The following ZNF69 variants were observed in gnomAD, a reference collection of about 807,000 sequenced individuals.
The protein encoded by ZNF69 is zinc finger protein 69, also known as ZNF3.
In ZNF69, 47 loss-of-function variants were observed where a neutral mutation model predicts 50.9. That is an observed-to-expected ratio of 0.92 (90% CI 0.73 to 1.18). The LOEUF (loss-of-function observed/expected upper bound fraction) is 1.18, where lower values mean the gene tolerates loss of function less well. Ranked by LOEUF, ZNF69 falls within the 50% of genes most tolerant of loss-of-function variation. The pLI is 0.00. For synonymous variants in ZNF69, 216 were observed against 223.1 expected (o/e 0.97, Z 0.29); for missense variants, 717 against 675.1 (o/e 1.06, Z -0.69).
the ZNF69 span, among the ~76,000 whole-genome samples, chr19:11,963,088 A>AGAGAGAGAGAGAGAGAGAGAGT: frequency 1.6e-4 from 22 of 138,314 alleles, no homozygotes; most frequent in African/African-American, 6.6e-4. Context: ...AGAGAGAGAG[A>AGAGAGAGAGAGAGAGAGAGAGT]GTGTGTGTGT....
At chr19:11,979,610 A>G in the ZNF69 span, 3 of 1,605,554 alleles carry the variant, frequency 1.9e-6, no homozygotes, top group Non-Finnish European at 8.5e-7. Flanking sequence ...AAGGACTCAC[A>G]CTGGAGAGAA....
Position 11,906,217 on chromosome 19 carries a change from C to A in ZNF69, c.*119C>A. The A allele has an allele frequency of 6.6e-7, 1 of 1,526,226 alleles. No homozygotes were observed. The highest frequency in any genetic ancestry group is 8.7e-7 in the Non-Finnish European group (1 of 1,144,826). The allele number at this position is 1,526,226 out of a possible 1,614,324, so 94.5% of individuals were successfully genotyped here. On this transcript the variant is annotated 3_prime_UTR_variant, in exon 4 of 4. Coordinates refer to ENST00000429654, the MANE Select transcript of ZNF69 (RefSeq NM_001364730.1). ...CAGGTCTGCCCAGAACCTTCGAATT[C>A]AGTAAAGGACACAAGCACACATAAG...
chr19:11,961,816 CA>C, the ZNF69 span: 1 of 151,646 alleles, frequency 6.6e-6, no homozygotes, highest in Non-Finnish European at 1.5e-5. Flanking sequence ...GGGGTTTCAC[CA>C]TGTTGGCCAG....
intron 1 of ZNF69, among the ~76,000 whole-genome samples, chr19:11,901,553 C>T (rs1318108745): frequency 6.6e-6 from 1 of 152,152 alleles, no homozygotes; most frequent in African/African-American, 2.4e-5. Context: ...GGCGTGATCT[C>T]GGCTCACTGC....
the ZNF69 span, among the ~76,000 whole-genome samples, chr19:11,968,730 T>G: frequency 1.3e-5 from 2 of 152,074 alleles, no homozygotes. Context: ...AGATCAGTAG[T>G]AGAGAGGGGC....
the ZNF69 span, among the ~76,000 whole-genome samples, chr19:11,964,686 A>G: frequency 6.6e-6 from 1 of 152,186 alleles, no homozygotes; most frequent in Non-Finnish European, 1.5e-5. Context: ...CTCTGAGGCC[A>G]GCAGATGGCT....
rs776827688 is a variant in ZNF69 at position 11,887,908 on chromosome 19, C to G, written c.-16C>G. ...GGTTCCTCTGCCCAGGCTTCTGTCA[C>G]TCTGTCACCTACGCTATGCCCTGCT... On this transcript the variant is annotated 5_prime_UTR_variant, in exon 1 of 4. Transcript: ENST00000429654. 1 of 1,609,578 alleles carries G rather than the reference C, an allele frequency of 6.2e-7. No homozygotes were observed. The highest frequency in any genetic ancestry group is 1.1e-5 in the South Asian group (1 of 91,022).
chr19:11,933,238 C>T, the ZNF69 span, among the ~76,000 whole-genome samples: 1 of 142,672 alleles, frequency 7.0e-6, no homozygotes, highest in Admixed American at 6.9e-5. Flanking sequence ...GGCAACATAG[C>T]AAGGCCCTGT....
chr19:11,895,110 C>T (rs932742296), intron 1 of ZNF69, among the ~76,000 whole-genome samples: 2 of 152,220 alleles, frequency 1.3e-5, no homozygotes, highest in African/African-American at 4.8e-5. Flanking sequence ...CCTCTGTGGG[C>T]TTGTCCCTTG....
the ZNF69 span, among the ~76,000 whole-genome samples, chr19:11,974,569 T>C: frequency 2.7e-5 from 4 of 147,678 alleles, no homozygotes; most frequent in African/African-American, 1.0e-4. Flanking sequence ...AATTACATTC[T>C]TTAGGGGGAG....
chr19:11,979,394 T>G, the ZNF69 span: 1 of 1,602,738 alleles, frequency 6.2e-7, no homozygotes, highest in South Asian at 1.1e-5. Flanking sequence ...CAGATCTGCC[T>G]CACACCTTCA....
the ZNF69 span, chr19:11,949,557 T>C: frequency 6.2e-7 from 1 of 1,607,856 alleles, no homozygotes; most frequent in African/African-American, 1.4e-5. Context: ...ATAAATGTAG[T>C]ATATGTGAGA....
the ZNF69 span, among the ~76,000 whole-genome samples, chr19:11,921,577 A>C: frequency 6.6e-6 from 1 of 151,876 alleles, no homozygotes; most frequent in African/African-American, 2.4e-5. Flanking sequence ...ATCTCGGCTC[A>C]CTGCAACCTT....
the ZNF69 span, among the ~76,000 whole-genome samples, chr19:11,935,755 G>A: frequency 1.1e-4 from 17 of 152,102 alleles, no homozygotes; most frequent in Non-Finnish European, 1.5e-5. Context: ...TGTGCACAAC[G>A]TGCAGGTTTG....
chr19:11,950,365 A>G, the ZNF69 span: 1 of 1,117,316 alleles, frequency 9.0e-7, no homozygotes, highest in Non-Finnish European at 1.3e-6. Context: ...TCATGAAAGG[A>G]CTCACACTGG....
intron 1 of ZNF69, 22 bp downstream of exon 1, chr19:11,888,008 T>C (rs1976988355): frequency 6.2e-7 from 1 of 1,609,052 alleles, no homozygotes; most frequent in Non-Finnish European, 8.5e-7. Flanking sequence ...GGGCCGGGTG[T>C]CGTGAGACGG....
At chr19:11,927,736 G>A in the ZNF69 span, among the ~76,000 whole-genome samples, 1 of 152,168 alleles carries the variant, frequency 6.6e-6, no homozygotes, top group African/African-American at 2.4e-5. Context: ...TATAGGTATT[G>A]GGACATCAGG....
chr19:11,943,411 C>T, the ZNF69 span, among the ~76,000 whole-genome samples: 1 of 152,208 alleles, frequency 6.6e-6, no homozygotes, highest in Non-Finnish European at 1.5e-5. Context: ...AGTTAAAGCT[C>T]TGCCAGTTTT....
At chr19:11,937,490 C>CT in the ZNF69 span, among the ~76,000 whole-genome samples, 263 of 128,988 alleles carry the variant, frequency 2.0e-3, 1 homozygote, top group Non-Finnish European at 3.6e-3. Flanking sequence ...TTTTTCTTTC[C>CT]TTTTTTTTTT....
Sources: allele counts gnomAD v4.1 joint callset (sites outside exome capture counted in the v4.1 genomes callset), GRCh38; gene constraint gnomAD v4.1.1; transcripts MANE v1.5; gene names NCBI Gene and HGNC (gene_info 2026-07-23, HGNC 2026-07-21).